DEPDC1B: variants seen among roughly 807,000 people sequenced by gnomAD.
DEPDC1B encodes the protein DEP domain-containing protein 1B.
In DEPDC1B, 51 loss-of-function variants were observed where a neutral mutation model predicts 66.5. The observed-to-expected ratio is 0.77, with a 90% CI of 0.61 to 0.97. The LOEUF is 0.97. Among genes scored for constraint, DEPDC1B ranks in the 50% least tolerant of loss-of-function variants. The pLI is 0.00. For synonymous variants in DEPDC1B, 226 were observed against 223.6 expected, an observed-to-expected ratio of 1.01 and a Z score of -0.10; for missense variants, 552 against 637.1, an observed-to-expected ratio of 0.87 and a Z score of 1.44.
chr5:60,620,628 A>C (rs1256025594), intron 7 of DEPDC1B, among the ~76,000 whole-genome samples: 2 of 152,212 alleles, frequency 1.3e-5, no homozygotes, highest in African/African-American at 2.4e-5. Context: ...ATCATTAAAA[A>C]GTCAGGAAAC....
intron 1 of DEPDC1B, 53 bp downstream of exon 1, chr5:60,699,993 G>C (rs9942410): frequency 0.53 from 812,291 of 1,541,948 alleles, 220,438 homozygotes; most frequent in East Asian, 0.62. Flanking sequence ...CGCGCGCTGA[G>C]TGGGGGCTCG....
intron 2 of DEPDC1B, among the ~76,000 whole-genome samples, chr5:60,651,806 C>T (rs116030463): frequency 2.0e-5 from 3 of 152,166 alleles, no homozygotes; most frequent in African/African-American, 4.8e-5. Context: ...GTACAACTGT[C>T]ACCTGTGGTA....
intron 7 of DEPDC1B, among the ~76,000 whole-genome samples, chr5:60,626,705 ATTCT>A (rs1226910495): frequency 5.3e-5 from 8 of 152,110 alleles, no homozygotes; most frequent in African/African-American, 1.7e-4. Flanking sequence ...TTTGCATACT[ATTCT>A]TTCTTTTTTT....
chr5:60,601,277 A>G (rs1430520623), intron 9 of DEPDC1B, among the ~76,000 whole-genome samples: 2 of 152,172 alleles, frequency 1.3e-5, no homozygotes. Context: ...TATTTTCTTT[A>G]GGGTTGGCTC....
chr5:60,653,594 C>CT (rs138099960), intron 2 of DEPDC1B, among the ~76,000 whole-genome samples: 10,881 of 152,160 alleles, frequency 0.072, 662 homozygotes, highest in East Asian at 0.2. Context: ...TATGCAGAAG[C>CT]TTTTTAGTTT....
chr5:60,664,008 C>T (rs760807905), intron 2 of DEPDC1B, among the ~76,000 whole-genome samples: 26 of 152,146 alleles, frequency 1.7e-4, no homozygotes, highest in East Asian at 7.7e-4. Flanking sequence ...TTCCCAGGTA[C>T]GGTGAAATAG....
intron 7 of DEPDC1B, among the ~76,000 whole-genome samples, chr5:60,620,404 A>T (rs1322757348): frequency 1.3e-5 from 2 of 152,224 alleles, no homozygotes; most frequent in Non-Finnish European, 2.9e-5. Context: ...ACAAAGGGCT[A>T]ATATCCAGAA....
At chr5:60,659,838 C>G (rs912788423) in intron 2 of DEPDC1B, among the ~76,000 whole-genome samples, 19 of 152,322 alleles carry the variant, frequency 1.2e-4, no homozygotes, top group African/African-American at 4.6e-4. Flanking sequence ...TAAAGAAGCT[C>G]TATGCTGCAT....
chr5:60,668,981 C>T (rs1753968633), intron 2 of DEPDC1B, among the ~76,000 whole-genome samples: 1 of 152,106 alleles, frequency 6.6e-6, no homozygotes, highest in Admixed American at 6.5e-5. Flanking sequence ...CCTTAGAAAA[C>T]ATCTAGAACA....
chr5:60,654,576 G>C (rs1753533405), intron 2 of DEPDC1B, among the ~76,000 whole-genome samples: 1 of 148,782 alleles, frequency 6.7e-6, no homozygotes, highest in Non-Finnish European at 1.5e-5. Flanking sequence ...TCAAGAAACA[G>C]TGACAGTTTG....
chr5:60,608,885 G>A (rs537544127), intron 7 of DEPDC1B, among the ~76,000 whole-genome samples: 1 of 152,224 alleles, frequency 6.6e-6, no homozygotes, highest in East Asian at 1.9e-4. Flanking sequence ...AAGATGGAAG[G>A]ATCACCTGAG....
chr5:60,685,931 G>C (rs1754402252), intron 2 of DEPDC1B, among the ~76,000 whole-genome samples: 1 of 152,158 alleles, frequency 6.6e-6, no homozygotes, highest in Non-Finnish European at 1.5e-5. Flanking sequence ...TAATTGCCCA[G>C]ATGACAATAC....
rs1013787860 is a variant in DEPDC1B, at chr5:60,667,906, T to C, written c.314+19056A>G. Among the ~76,000 whole-genome samples the C allele has an allele frequency of 6.2e-4, 56 of 90,824 alleles. 6 individuals are homozygous for C. Among genetic ancestry groups the C allele is most frequent in the East Asian group, 8.3e-4 (2 of 2,418 alleles). 59.6% of individuals were successfully genotyped at this position (90,824 alleles called of 152,430 possible). A position where few individuals can be genotyped will look rare whatever the true frequency, so the allele number is the denominator to read the frequency against. ...ATATATGTAAAAAATGGATATTTTATATATATAAAAAATGGATATTTTATA... is the reference window on the plus strand; with the variant it reads ...ATATATGTAAAAAATGGATATTTTACATATATAAAAAATGGATATTTTATA... On this transcript the variant is annotated intron_variant, in intron 2 of 10. Transcript: ENST00000265036.
chr5:60,621,796 C>T (rs1489426238), intron 7 of DEPDC1B, among the ~76,000 whole-genome samples: 1 of 152,116 alleles, frequency 6.6e-6, no homozygotes, highest in Non-Finnish European at 1.5e-5. Flanking sequence ...TTATATACTA[C>T]TTTCTTTTCT....
intron 2 of DEPDC1B, among the ~76,000 whole-genome samples, chr5:60,666,860 CAA>C (rs2111965099): frequency 6.6e-6 from 1 of 152,234 alleles, no homozygotes; most frequent in Admixed American, 6.5e-5. Flanking sequence ...TCAAGCAGCA[CAA>C]AGACACATTT....
At chr5:60,631,601 G>C (rs1344914941) in intron 7 of DEPDC1B, among the ~76,000 whole-genome samples, 1 of 152,118 alleles carries the variant, frequency 6.6e-6, no homozygotes, top group Non-Finnish European at 1.5e-5. Context: ...GTGATGAGGA[G>C]GACTCTCCAG....
intron 1 of DEPDC1B, among the ~76,000 whole-genome samples, chr5:60,691,089 T>C (rs1754533516): frequency 6.7e-6 from 1 of 150,186 alleles, no homozygotes; most frequent in South Asian, 2.1e-4. Flanking sequence ...AGTCTCACCG[T>C]ATAGTCCAGG....
chr5:60,602,620 A>G (rs1422059400), intron 9 of DEPDC1B, among the ~76,000 whole-genome samples: 2 of 152,152 alleles, frequency 1.3e-5, no homozygotes, highest in African/African-American at 4.8e-5. Flanking sequence ...ATAATATATT[A>G]TATTTCTTTT....
At chr5:60,615,926 T>A (rs1752542263) in intron 7 of DEPDC1B, among the ~76,000 whole-genome samples, 1 of 152,140 alleles carries the variant, frequency 6.6e-6, no homozygotes, top group African/African-American at 2.4e-5. Context: ...CATGGCCGGG[T>A]ACTCCTCTGA....
Sources: gnomAD v4.1 joint callset for allele counts (sites outside exome capture counted in the v4.1 genomes callset) on GRCh38, gnomAD v4.1.1 for gene constraint, MANE v1.5 for transcripts, NCBI Gene and HGNC (gene_info 2026-07-23, HGNC 2026-07-21) for gene names.